GPATCH2L: variants seen among roughly 807,000 people sequenced by gnomAD.
GPATCH2L encodes G patch domain-containing protein 2-like.
A neutral mutation model predicts 57.4 loss-of-function variants in GPATCH2L; 31 were observed. The observed-to-expected ratio is 0.54, with a 90% confidence interval of 0.41 to 0.73. The LOEUF is 0.73. Ranked by LOEUF, GPATCH2L falls within the 30% of genes least tolerant of loss-of-function variation. The pLI is 0.00. For missense variants in GPATCH2L, 481 were observed against 599.9 expected (o/e 0.80, Z 2.07); for synonymous variants, 199 against 210.7 (o/e 0.94, Z 0.48).
rs771171328 is a variant in GPATCH2L at position 76,196,064 on chromosome 14, A to G, written c.1288+92A>G. 1.1e-4 allele frequency: 109 copies of G among 951,378 alleles called. 1 individual carries two copies. The Middle Eastern group carries it at 6.4e-3, about 56-fold the overall frequency. 58.9% of individuals were successfully genotyped at this position (951,378 alleles called of 1,614,324 possible). ...TATACCTTTTCATGTAATGTTTGTG[A>G]TAGTGTAGGTCATTTTATTCCCACT... On this transcript the variant is annotated intron_variant, in intron 9 of 9. Coordinates refer to ENST00000261530, the MANE Select transcript of GPATCH2L (RefSeq NM_017926.4).
intron 2 of GPATCH2L, among the ~76,000 whole-genome samples, chr14:76,161,400 AAC>A (rs2038576123): frequency 6.6e-6 from 1 of 152,230 alleles, no homozygotes; most frequent in South Asian, 2.1e-4. Flanking sequence ...AATGGGGAGA[AAC>A]AAACCCAGAT....
chr14:76,181,857 A>G (rs969950996), intron 8 of GPATCH2L, among the ~76,000 whole-genome samples: 3 of 152,158 alleles, frequency 2.0e-5, no homozygotes, highest in Non-Finnish European at 4.4e-5. Context: ...TTTTATTCCT[A>G]ATAAGTTCTT....
intron 8 of GPATCH2L, among the ~76,000 whole-genome samples, chr14:76,183,431 G>C (rs2039650058): frequency 6.6e-6 from 1 of 152,138 alleles, no homozygotes; most frequent in Admixed American, 6.5e-5. Context: ...CTTTGGGAAA[G>C]GGAAAGAAAA....
At chr14:76,186,566 G>A (rs994718247) in intron 8 of GPATCH2L, among the ~76,000 whole-genome samples, 7 of 152,178 alleles carry the variant, frequency 4.6e-5, no homozygotes. Context: ...CCTCTTTAAT[G>A]CCTCAGTTTC....
intron 1 of GPATCH2L, among the ~76,000 whole-genome samples, chr14:76,227,393 GA>G (rs2139871868): frequency 6.6e-6 from 1 of 152,276 alleles, no homozygotes; most frequent in South Asian, 2.1e-4. Flanking sequence ...AGGCTGCAGG[GA>G]AATGAGACCA....
downstream of GPATCH2L, among the ~76,000 whole-genome samples, chr14:76,215,456 C>T (rs1238214704): frequency 1.3e-5 from 2 of 151,706 alleles, no homozygotes; most frequent in African/African-American, 4.8e-5. Flanking sequence ...GCTATAAAGA[C>T]ACATACACAC....
chr14:76,200,375 G>A (rs977932216), intron 9 of GPATCH2L, among the ~76,000 whole-genome samples: 2 of 152,142 alleles, frequency 1.3e-5, no homozygotes, highest in Non-Finnish European at 2.9e-5. Context: ...TTTTTCTAGG[G>A]TAGTGCTTTT....
chr14:76,197,993 A>G (rs796610262), intron 9 of GPATCH2L, among the ~76,000 whole-genome samples: 2 of 152,308 alleles, frequency 1.3e-5, no homozygotes, highest in East Asian at 1.9e-4. Context: ...GACTGAATTT[A>G]AAGATATTAA....
chr14:76,154,199 C>T lies in GPATCH2L; in HGVS notation c.-10-155C>T. On this transcript the variant is annotated intron_variant, in intron 1 of 9. Transcript: ENST00000261530. This position sits in a 1 kb window ranked among gnomAD's most constrained non-coding sequence, Gnocchi z 4.4. Reference sequence around the variant, plus strand: ...GGTAGGAACAGAATCTAAGTGTAGCCAGATGAAAGGTGACTTATTTTGTTT... The same window carrying T: ...GGTAGGAACAGAATCTAAGTGTAGCTAGATGAAAGGTGACTTATTTTGTTT... 1 of 597,524 alleles carries T rather than the reference C, an allele frequency of 1.7e-6. No homozygotes were observed. 37.0% of individuals were successfully genotyped at this position (597,524 alleles called of 1,614,324 possible).
At chr14:76,234,932 G>GC (rs1254498885) in intron 2 of GPATCH2L, 3 of 152,324 alleles carry the variant, frequency 2.0e-5, no homozygotes, top group African/African-American at 7.2e-5. Context: ...ACTTTGGGAG[G>GC]CCGAGGCCAG....
At chr14:76,214,952 AG>A (rs2040480024), downstream of GPATCH2L, among the ~76,000 whole-genome samples, 1 of 152,000 alleles carries the variant, frequency 6.6e-6, no homozygotes, top group African/African-American at 2.4e-5. Context: ...CGTGATGCTG[AG>A]GTTTGGGGTA....
chr14:76,221,484 A>G (rs773648606), intron 1 of GPATCH2L, among the ~76,000 whole-genome samples: 56 of 152,332 alleles, frequency 3.7e-4, no homozygotes, highest in Non-Finnish European at 6.3e-4. Context: ...CAATCTAGCA[A>G]TGATGCTTCC....
At chr14:76,168,010 G>T (rs2038921318) in intron 3 of GPATCH2L, among the ~76,000 whole-genome samples, 1 of 152,196 alleles carries the variant, frequency 6.6e-6, no homozygotes, top group South Asian at 2.1e-4. Flanking sequence ...CACTGATAAG[G>T]ATTCCTTAGT....
At position 76,180,429 on chromosome 14, in the gene GPATCH2L, G is replaced by T. The variant is rs145722709; in HGVS notation, c.1108-335G>T. Among the ~76,000 whole-genome samples the T allele has an allele frequency of 3.3e-3, 504 of 152,294 alleles. 2 individuals carry two copies. The highest frequency in any genetic ancestry group is 0.012 in the African/African-American group (488 of 41,556). On this transcript the variant is annotated intron_variant, in intron 7 of 9. Coordinates refer to ENST00000261530, the MANE Select transcript of GPATCH2L (RefSeq NM_017926.4). ...CATGCTAATCTTCTTGGGAACAAGG[G>T]CTGATACATAGTTGATAATCAGCAG...
rs184078395 is a variant in GPATCH2L at position 76,201,007 on chromosome 14, T to C, written c.1289-684T>C. On this transcript the variant is annotated intron_variant, in intron 9 of 9. Coordinates refer to ENST00000261530, the MANE Select transcript of GPATCH2L (RefSeq NM_017926.4). The stretch of plus-strand genomic sequence containing the variant: ...TGTTCCTGGCATTCAGCAGATAGGA[T>C]CCAGATCGGTAAGTGTTCTGAAGTA... 2.0e-5 allele frequency among the ~76,000 whole-genome samples: 3 copies of C among 152,172 alleles called. No individual in the cohort carries two copies. The East Asian group carries it at 5.8e-4, about 29-fold the overall frequency.
rs371709106 is a variant in GPATCH2L at position 76,195,636 on chromosome 14, A to G, written c.1194-242A>G. Among the ~76,000 whole-genome samples the G allele has an allele frequency of 5.3e-4, 80 of 152,358 alleles. 2 individuals carry two copies. In the South Asian group the frequency reaches 0.016, roughly 31 times the overall value. On this transcript the variant is annotated intron_variant, in intron 8 of 9. Coordinates refer to ENST00000261530, the MANE Select transcript of GPATCH2L (RefSeq NM_017926.4). ...CATGTAATGCAACACATATTTATTGAAATTAATCTTGAATGTCTGCTACAC... is the reference window on the plus strand; with the variant it reads ...CATGTAATGCAACACATATTTATTGGAATTAATCTTGAATGTCTGCTACAC...
intron 1 of GPATCH2L, among the ~76,000 whole-genome samples, chr14:76,224,434 T>A (rs915741321): frequency 2.6e-5 from 4 of 152,126 alleles, no homozygotes; most frequent in African/African-American, 9.7e-5. Flanking sequence ...TACATTAGCA[T>A]CGTAAGGCAG....
chr14:76,189,678 G>C (rs1478101254), intron 8 of GPATCH2L, among the ~76,000 whole-genome samples: 4 of 151,940 alleles, frequency 2.6e-5, no homozygotes, highest in Non-Finnish European at 4.4e-5. Flanking sequence ...TTTTCGGTTT[G>C]GATGCCCTTT....
downstream of GPATCH2L, among the ~76,000 whole-genome samples, chr14:76,216,066 A>G (rs2139856205): frequency 6.6e-6 from 1 of 152,192 alleles, no homozygotes; most frequent in South Asian, 2.1e-4. Context: ...CAGGAGGTAA[A>G]GCAGGGCCTG....
Sources: gnomAD v4.1 joint callset for allele counts (sites outside exome capture counted in the v4.1 genomes callset) on GRCh38, gnomAD v4.1.1 for gene constraint, Gnocchi (gnomAD v3.1) non-coding constraint, MANE v1.5 for transcripts, NCBI Gene and HGNC (gene_info 2026-07-23, HGNC 2026-07-21) for gene names.